CSMD1: variants seen among roughly 807,000 people sequenced by gnomAD.
The protein encoded by CSMD1 is CUB and Sushi multiple domains 1, also known as CUB and sushi domain-containing protein 1.
A neutral mutation model predicts 417.5 loss-of-function variants in CSMD1; 213 were observed. The observed-to-expected ratio is 0.51, with a 90% confidence interval of 0.46 to 0.57. The LOEUF is 0.57. Ranked by LOEUF, CSMD1 falls within the 20% of genes least tolerant of loss-of-function variation. CSMD1 has a pLI of 0.00. For missense variants in CSMD1, 6,923 were observed against 4,529.7 expected, an observed-to-expected ratio of 1.53 and a Z score of -15.17; for synonymous variants, 2,862 against 1,736.8, an observed-to-expected ratio of 1.65 and a Z score of -16.11.
At chr8:4,379,042 A>T (rs1462795470) in intron 3 of CSMD1, among the ~76,000 whole-genome samples, 1 of 152,226 alleles carries the variant, frequency 6.6e-6, no homozygotes, top group East Asian at 1.9e-4. Context: ...CATTAACTGC[A>T]GAGGAAAAAA....
At chr8:4,400,706 T>C (rs1316623183) in intron 3 of CSMD1, among the ~76,000 whole-genome samples, 1 of 152,186 alleles carries the variant, frequency 6.6e-6, no homozygotes, top group Non-Finnish European at 1.5e-5. Context: ...TTTCAGATTT[T>C]TTAATGGACA....
chr8:4,421,360 A>G (rs1186985684), intron 2 of CSMD1, among the ~76,000 whole-genome samples: 2 of 152,162 alleles, frequency 1.3e-5, no homozygotes, highest in Admixed American at 6.5e-5. Context: ...AGTACACTTT[A>G]CCCAGCAAGA....
intron 3 of CSMD1, among the ~76,000 whole-genome samples, chr8:4,166,558 G>T (rs1489673893): frequency 6.6e-6 from 1 of 152,114 alleles, no homozygotes. Flanking sequence ...TAAGCAATGA[G>T]GATACAAAGG....
chr8:4,002,647 G>A (rs1815778425), intron 4 of CSMD1, among the ~76,000 whole-genome samples: 1 of 152,296 alleles, frequency 6.6e-6, no homozygotes, highest in South Asian at 2.1e-4. Flanking sequence ...ATCGCTAAAG[G>A]ATAAAAGCTT....
At chr8:3,703,414 G>GCA (rs1273371783) in intron 7 of CSMD1, among the ~76,000 whole-genome samples, 1 of 11,802 alleles carries the variant, frequency 8.5e-5, no homozygotes, top group Non-Finnish European at 1.3e-4. Flanking sequence ...TTGTTCCAAA[G>GCA]CACAGAGATT....
chr8:3,779,299 C>A (rs2129062110), intron 5 of CSMD1, among the ~76,000 whole-genome samples: 1 of 151,998 alleles, frequency 6.6e-6, no homozygotes, highest in East Asian at 1.9e-4. Context: ...TAGGCTTGAA[C>A]TTTTCTATTG....
intron 3 of CSMD1, among the ~76,000 whole-genome samples, chr8:4,204,296 G>C (rs1045062377): frequency 6.7e-6 from 1 of 150,360 alleles, no homozygotes; most frequent in African/African-American, 2.4e-5. Context: ...GGAAGTTTTT[G>C]GTTTTCTTTC....
At chr8:4,079,708 C>G (rs879457550) in intron 3 of CSMD1, among the ~76,000 whole-genome samples, 28 of 152,176 alleles carry the variant, frequency 1.8e-4, no homozygotes, top group Admixed American at 2.0e-4. Context: ...TGCTTTCTTT[C>G]CATAGTATGA....
At chr8:4,683,932 A>T (rs1806208647) in intron 1 of CSMD1, among the ~76,000 whole-genome samples, 1 of 152,242 alleles carries the variant, frequency 6.6e-6, no homozygotes, top group African/African-American at 2.4e-5. Flanking sequence ...GTCATATACA[A>T]GAAGAGTTTT....
chr8:3,796,272 T>TATGTCTATCATGTATAGATATAG lies in CSMD1; in HGVS notation c.819-42231_819-42230insCTATATCTATACATGATAGACAT. Among the ~76,000 whole-genome samples, 2 of 31,888 alleles carry TATGTCTATCATGTATAGATATAG rather than the reference T, an allele frequency of 6.3e-5. 1 individual carries two copies. The highest frequency in any genetic ancestry group is 2.9e-3 in the East Asian group (2 of 700). The allele number at this position is 31,888 out of a possible 152,430, so 20.9% of individuals were successfully genotyped here. ...TATCTATCATGTATAGATATAGATA[T>TATGTCTATCATGTATAGATATAG]ATATCTATCATGTATAGATATATCT... On this transcript the variant is annotated intron_variant, in intron 5 of 69. Coordinates refer to ENST00000635120, the MANE Select transcript of CSMD1 (RefSeq NM_033225.6).
intron 5 of CSMD1, among the ~76,000 whole-genome samples, chr8:3,989,354 G>A (rs1280922553): frequency 1.3e-5 from 2 of 152,184 alleles, no homozygotes; most frequent in Non-Finnish European, 2.9e-5. Context: ...TAGCAACTAT[G>A]CTTTTATGGC....
chr8:3,489,589 T>G (rs958868170), intron 11 of CSMD1, among the ~76,000 whole-genome samples: 1 of 152,178 alleles, frequency 6.6e-6, no homozygotes, highest in African/African-American at 2.4e-5. Context: ...AACTTTCTTT[T>G]AAGCCTGACA....
chr8:3,706,928 T>C (rs1263085536), intron 7 of CSMD1, among the ~76,000 whole-genome samples: 1 of 152,186 alleles, frequency 6.6e-6, no homozygotes, highest in African/African-American at 2.4e-5. Flanking sequence ...TCCAATCTAA[T>C]TTCATTAAAG....
At chr8:4,743,575 C>A (rs1297853757) in intron 1 of CSMD1, among the ~76,000 whole-genome samples, 1 of 152,152 alleles carries the variant, frequency 6.6e-6, no homozygotes, top group African/African-American at 2.4e-5. Context: ...GAGTGGCTAT[C>A]CTGATTATTG....
rs540593383 is a variant in CSMD1 at position 4,913,506 on chromosome 8, G to A, written c.85+80826C>T. Among the ~76,000 whole-genome samples the A allele has an allele frequency of 7.4e-4, 112 of 152,242 alleles. 3 individuals carry two copies. In the South Asian group the frequency reaches 0.022, roughly 29 times the overall value. ...TAGAGAATGAAAACTACCCCCATAT[G>A]TCTTATTTTAAACAGAAGCCCTGCC... On this transcript the variant is annotated intron_variant, in intron 1 of 69. Transcript: ENST00000635120.
chr8:3,203,151 G>A (rs1392653420), intron 31 of CSMD1, among the ~76,000 whole-genome samples: 1 of 152,186 alleles, frequency 6.6e-6, no homozygotes, highest in Admixed American at 6.5e-5. Context: ...AAGGAGGGAA[G>A]GGGATAGTAA....
chr8:4,462,979 G>T (rs1198290829), intron 2 of CSMD1, among the ~76,000 whole-genome samples: 1 of 152,120 alleles, frequency 6.6e-6, no homozygotes, highest in African/African-American at 2.4e-5. Flanking sequence ...TTTAAACTTT[G>T]TATTTCAAAA....
chr8:3,773,734 A>G (rs2129060139), intron 5 of CSMD1, among the ~76,000 whole-genome samples: 1 of 152,308 alleles, frequency 6.6e-6, no homozygotes, highest in Middle Eastern at 3.4e-3. Flanking sequence ...GAGGAGGGCA[A>G]GCATGATGGG....
intron 3 of CSMD1, among the ~76,000 whole-genome samples, chr8:4,077,369 T>G (rs1362248959): frequency 2.0e-5 from 3 of 147,004 alleles, no homozygotes; most frequent in Non-Finnish European, 3.0e-5. Flanking sequence ...ATCAGAGGTA[T>G]CTTTTAATGG....
Sources: gnomAD v4.1 joint callset for allele counts (sites outside exome capture counted in the v4.1 genomes callset) on GRCh38, gnomAD v4.1.1 for gene constraint, MANE v1.5 for transcripts, NCBI Gene and HGNC (gene_info 2026-07-23, HGNC 2026-07-21) for gene names.